Variants in PDE7B observed in about 807,000 individuals in gnomAD.
PDE7B encodes 3',5'-cyclic-AMP phosphodiesterase 7B.
PDE7B carries 29 observed loss-of-function variants against 56.2 expected under a neutral mutation model. The ratio of observed to expected loss-of-function variants is 0.52; its 90% confidence interval spans 0.38 to 0.70. The LOEUF is 0.70. PDE7B is among the 30% of genes least tolerant of loss of function. The pLI, the probability that PDE7B is intolerant of heterozygous loss-of-function variation, is 0.00. For missense variants in PDE7B, 490 were observed against 565.0 expected (o/e 0.87, Z 1.35); for synonymous variants, 197 against 196.9 (o/e 1.00, Z 0.00).
At chr6:135,957,872 A>T (rs1774826022) in intron 2 of PDE7B, among the ~76,000 whole-genome samples, 1 of 152,124 alleles carries the variant, frequency 6.6e-6, no homozygotes, top group Non-Finnish European at 1.5e-5. Context: ...AAAGGTGCTA[A>T]GCCATTTGAG....
At chr6:135,926,293 T>C (rs1042025247) in intron 1 of PDE7B, among the ~76,000 whole-genome samples, 1 of 152,108 alleles carries the variant, frequency 6.6e-6, no homozygotes, top group Non-Finnish European at 1.5e-5. Flanking sequence ...TTCACCGTGT[T>C]AGCCAGGATG....
intron 2 of PDE7B, chr6:136,037,557 C>T: frequency 1.0e-6 from 1 of 985,472 alleles, no homozygotes. Flanking sequence ...CAACCCCCAT[C>T]AGGCCCTCCA....
chr6:135,943,530 T>C (rs886090137), intron 1 of PDE7B, among the ~76,000 whole-genome samples: 1 of 152,248 alleles, frequency 6.6e-6, no homozygotes, highest in African/African-American at 2.4e-5. Flanking sequence ...AAACATCCAG[T>C]AAGCTGTCAA....
intron 4 of PDE7B, among the ~76,000 whole-genome samples, chr6:136,148,470 AAGGC>A (rs71006787): frequency 0.013 from 1,681 of 130,220 alleles, 13 homozygotes; most frequent in Non-Finnish European, 0.017. Flanking sequence ...GGAAGGAAGG[AAGGC>A]AGGCAGGCAG....
intron 1 of PDE7B, among the ~76,000 whole-genome samples, chr6:135,856,801 T>C (rs763641751): frequency 2.0e-5 from 3 of 152,214 alleles, no homozygotes; most frequent in Non-Finnish European, 2.9e-5. Context: ...TTGATACTAC[T>C]GTATAAATAT....
intron 1 of PDE7B, among the ~76,000 whole-genome samples, chr6:135,872,694 G>A (rs759410815): frequency 1.3e-5 from 2 of 152,134 alleles, no homozygotes; most frequent in African/African-American, 2.4e-5. Flanking sequence ...GTTGGATAAA[G>A]ACTATCAAGG....
At chr6:136,174,394 T>C (rs1002943534) in intron 9 of PDE7B, among the ~76,000 whole-genome samples, 10 of 152,178 alleles carry the variant, frequency 6.6e-5, no homozygotes, top group African/African-American at 2.4e-4. Flanking sequence ...TTTCACCAAT[T>C]AATTTACCTT....
chr6:136,178,926 A>T, intron 9 of PDE7B, 71 bp from the exon 10 acceptor site: 1 of 1,511,866 alleles, frequency 6.6e-7, no homozygotes. Flanking sequence ...CCTGATGATG[A>T]TAAAATCAAT....
chr6:136,084,396 T>A (rs1777254755), intron 2 of PDE7B, among the ~76,000 whole-genome samples: 1 of 152,154 alleles, frequency 6.6e-6, no homozygotes, highest in African/African-American at 2.4e-5. Flanking sequence ...TATATTCAGC[T>A]TGGACTCTAG....
intron 10 of PDE7B, 138 bp from the exon 11 acceptor site, chr6:136,181,089 A>T: frequency 1.5e-6 from 1 of 661,774 alleles, no homozygotes; most frequent in Admixed American, 2.4e-5. Context: ...CTGAAGAGGC[A>T]TGTCAGGGAG....
chr6:135,925,360 C>G (rs753633425), intron 1 of PDE7B, among the ~76,000 whole-genome samples: 8 of 152,118 alleles, frequency 5.3e-5, no homozygotes, highest in Non-Finnish European at 1.0e-4. Flanking sequence ...CACTCTCTAT[C>G]TCAGCTAGAT....
intron 1 of PDE7B, among the ~76,000 whole-genome samples, chr6:135,928,924 A>G (rs1258007284): frequency 1.3e-5 from 2 of 152,116 alleles, no homozygotes; most frequent in Non-Finnish European, 1.5e-5. Flanking sequence ...CAAATTACCC[A>G]TGTAACAAAC....
chr6:136,087,971 C>A (rs1777320495), intron 2 of PDE7B, among the ~76,000 whole-genome samples: 1 of 152,032 alleles, frequency 6.6e-6, no homozygotes, highest in African/African-American at 2.4e-5. Flanking sequence ...AAGTCAATAC[C>A]AGTGGGAGAA....
chr6:136,142,848 T>C (rs1778351167), intron 3 of PDE7B, among the ~76,000 whole-genome samples: 1 of 116,712 alleles, frequency 8.6e-6, no homozygotes, highest in Non-Finnish European at 1.7e-5. Context: ...TGTGTGTCTC[T>C]GCACATGAAT....
At chr6:135,868,743 C>T (rs1324246984) in intron 1 of PDE7B, among the ~76,000 whole-genome samples, 1 of 152,152 alleles carries the variant, frequency 6.6e-6, no homozygotes, top group African/African-American at 2.4e-5. Context: ...TTGGGGAGTA[C>T]TTGTGTAATG....
intron 2 of PDE7B, among the ~76,000 whole-genome samples, chr6:136,001,408 C>T (rs1775666143): frequency 6.6e-6 from 1 of 152,096 alleles, no homozygotes; most frequent in South Asian, 2.1e-4. Context: ...CTCCGGGCTA[C>T]AGGATGAAAT....
chr6:136,188,266 T>G (rs1429034317), intron 12 of PDE7B, among the ~76,000 whole-genome samples: 2 of 103,962 alleles, frequency 1.9e-5, no homozygotes, highest in Non-Finnish European at 3.1e-5. Context: ...TATTGAGCAT[T>G]TTTTTTTTTC....
intron 2 of PDE7B, among the ~76,000 whole-genome samples, chr6:136,020,394 T>G (rs1270639647): frequency 1.3e-5 from 2 of 152,344 alleles, no homozygotes; most frequent in East Asian, 1.9e-4. Flanking sequence ...TGTGTGTATC[T>G]GCATATACAT....
chr6:136,068,364 CTGGAA>C lies in PDE7B; in HGVS notation c.83-40365_83-40361del, dbSNP rs1776982088. Among the ~76,000 whole-genome samples the C allele has an allele frequency of 3.3e-5, 5 of 151,346 alleles. No individual in the cohort carries two copies. In the South Asian group the frequency reaches 1.0e-3, roughly 32 times the overall value. On this transcript the variant is annotated intron_variant, in intron 2 of 12. Coordinates refer to ENST00000308191, the MANE Select transcript of PDE7B (RefSeq NM_018945.4). ...GCAATTGGTTGAAAAATCTAAAGAC[CTGGAA>C]TCAATAGAAGGGAGTGCCTGGGTTA...
Sources: allele counts gnomAD v4.1 joint callset (sites outside exome capture counted in the v4.1 genomes callset), GRCh38; gene constraint gnomAD v4.1.1; transcripts MANE v1.5; gene names NCBI Gene and HGNC (gene_info 2026-07-23, HGNC 2026-07-21).